The following CCDC12 variants were observed in gnomAD, a reference collection of about 807,000 sequenced individuals.
CCDC12 encodes the protein coiled-coil domain-containing protein 12.
In CCDC12, 28 loss-of-function variants were observed where a neutral mutation model predicts 25.7. The ratio of observed to expected loss-of-function variants is 1.09; its 90% CI spans 0.81 to 1.50. The LOEUF is 1.50. CCDC12 is among the 40% of genes most tolerant of loss of function. The pLI is 0.00. For synonymous variants in CCDC12, 75 were observed against 87.7 expected, an observed-to-expected ratio of 0.86 and a Z score of 0.81; for missense variants, 198 against 210.0, an observed-to-expected ratio of 0.94 and a Z score of 0.35.
intron 1 of CCDC12, among the ~76,000 whole-genome samples, chr3:46,956,497 G>A (rs2034291096): frequency 1.3e-5 from 2 of 152,214 alleles, no homozygotes. Context: ...CTGGACACAG[G>A]GCAGGCAGGA....
At chr3:46,935,550 C>T (rs570964037) in intron 2 of CCDC12, among the ~76,000 whole-genome samples, 168 of 152,182 alleles carry the variant, frequency 1.1e-3, no homozygotes, top group African/African-American at 3.9e-3. Context: ...GACATGAACG[C>T]CCCTGAATGC....
intron 1 of CCDC12, among the ~76,000 whole-genome samples, chr3:46,951,798 A>AAAAAAAAAAAAATAT: frequency 0.03 from 248 of 8,406 alleles, 31 homozygotes; most frequent in Non-Finnish European, 0.055. Context: ...AAAAAAAAAA[A>AAAAAAAAAAAAATAT]ATATATATAT....
intron 2 of CCDC12, among the ~76,000 whole-genome samples, chr3:46,938,384 T>TC (rs957848843): frequency 2.6e-5 from 4 of 152,242 alleles, no homozygotes; most frequent in South Asian, 2.1e-4. Flanking sequence ...TTGGTTTTTT[T>TC]CCCACAGTTT....
chr3:46,944,008 G>A (rs900511809), intron 1 of CCDC12, among the ~76,000 whole-genome samples: 1 of 152,166 alleles, frequency 6.6e-6, no homozygotes, highest in Non-Finnish European at 1.5e-5. Context: ...GGTGACACTG[G>A]CCTGAATCAC....
At chr3:46,976,565 G>C in intron 1 of CCDC12, 72 bp downstream of exon 1, 1 of 1,546,948 alleles carries the variant, frequency 6.5e-7, no homozygotes, top group Non-Finnish European at 8.7e-7. Context: ...TTAGCCCTTT[G>C]CTCTCCTCAA....
At chr3:46,952,967 C>G (rs1224851876) in intron 1 of CCDC12, among the ~76,000 whole-genome samples, 3 of 152,190 alleles carry the variant, frequency 2.0e-5, no homozygotes, top group Non-Finnish European at 4.4e-5. Context: ...TCTTGTCCCA[C>G]TCCTGTCCCT....
At chr3:46,941,158 A>AG in intron 1 of CCDC12, 93 bp from the exon 2 acceptor site, 1 of 1,232,906 alleles carries the variant, frequency 8.1e-7, no homozygotes, top group Non-Finnish European at 1.2e-6. Flanking sequence ...ACATCTCAGA[A>AG]GGGGGGCACC....
At chr3:46,981,356 C>T (rs1389158533), upstream of CCDC12, among the ~76,000 whole-genome samples, 6 of 152,098 alleles carry the variant, frequency 3.9e-5, no homozygotes, top group Admixed American at 3.9e-4. Flanking sequence ...GCAGGAGAAT[C>T]GCTTGAACCA....
intron 1 of CCDC12, among the ~76,000 whole-genome samples, chr3:46,971,694 CATGCCTGAAATTCCTA>C (rs2034806786): frequency 6.6e-6 from 1 of 152,178 alleles, no homozygotes; most frequent in South Asian, 2.1e-4. Flanking sequence ...AAACCAACTC[CATGCCTGAAATTCCTA>C]AGGCCTCCAG....
At chr3:46,964,465 T>C (rs988140345) in intron 1 of CCDC12, among the ~76,000 whole-genome samples, 16 of 152,288 alleles carry the variant, frequency 1.1e-4, no homozygotes, top group South Asian at 4.1e-4. Context: ...CAACAGCTCA[T>C]TGAGAACGGG....
intron 5 of CCDC12, chr3:46,922,571 G>C: frequency 3.6e-6 from 2 of 553,038 alleles, no homozygotes; most frequent in Non-Finnish European, 6.5e-6. Context: ...GGCAAAGGTG[G>C]ATGGTTTCTC....
intron 1 of CCDC12, among the ~76,000 whole-genome samples, chr3:46,958,884 C>T (rs767523760): frequency 3.9e-5 from 6 of 152,140 alleles, no homozygotes; most frequent in Non-Finnish European, 5.9e-5. Flanking sequence ...TGAAATATAC[C>T]AGACCCCAGC....
chr3:46,926,250 C>T (rs1376790426), intron 2 of CCDC12, among the ~76,000 whole-genome samples: 4 of 152,156 alleles, frequency 2.6e-5, no homozygotes, highest in South Asian at 4.1e-4. Flanking sequence ...CCTGCAATGA[C>T]GCGGACAGGG....
chr3:46,926,472 CTA>C (rs1472369274), intron 2 of CCDC12, among the ~76,000 whole-genome samples: 6 of 152,214 alleles, frequency 3.9e-5, no homozygotes, highest in Admixed American at 3.3e-4. Flanking sequence ...CGGCTAGCTA[CTA>C]TGTTTTTATG....
At chr3:46,937,790 G>A (rs2033512243) in intron 2 of CCDC12, among the ~76,000 whole-genome samples, 1 of 152,096 alleles carries the variant, frequency 6.6e-6, no homozygotes, top group South Asian at 2.1e-4. Context: ...CTAAAGTTAC[G>A]TCCACATAGG....
At chr3:46,939,307 T>C (rs562585649) in intron 2 of CCDC12, among the ~76,000 whole-genome samples, 164 of 152,176 alleles carry the variant, frequency 1.1e-3, no homozygotes, top group Non-Finnish European at 2.0e-3. Context: ...TCTTACTGTA[T>C]GACCCACCCA....
chr3:46,973,308 G>A (rs62246376), intron 1 of CCDC12, among the ~76,000 whole-genome samples: 28,686 of 148,684 alleles, frequency 0.19, 2,909 homozygotes, highest in Middle Eastern at 0.24. Context: ...AGCTGAGATC[G>A]TGCCATCGCA....
chr3:46,943,563 G>A (rs968195207), intron 1 of CCDC12, among the ~76,000 whole-genome samples: 3 of 152,214 alleles, frequency 2.0e-5, no homozygotes, highest in Non-Finnish European at 4.4e-5. Flanking sequence ...GGGGACTACG[G>A]GAAAGTGTCC....
intron 1 of CCDC12, among the ~76,000 whole-genome samples, chr3:46,964,924 C>T (rs1188251747): frequency 1.3e-5 from 2 of 151,322 alleles, no homozygotes; most frequent in Admixed American, 1.3e-4. Flanking sequence ...TCCCCCTCTG[C>T]GAGAAACACC....
Sources: allele counts gnomAD v4.1 joint callset (sites outside exome capture counted in the v4.1 genomes callset), GRCh38; gene constraint gnomAD v4.1.1; transcripts MANE v1.5; gene names NCBI Gene and HGNC (gene_info 2026-07-23, HGNC 2026-07-21).